The following CCN6 variants were observed in gnomAD, a reference collection of about 807,000 sequenced individuals.
CCN6 encodes the protein CCN family member 6.
Under a neutral mutation model 37.4 loss-of-function variants are expected in CCN6, and 31 were observed. The ratio of observed to expected loss-of-function variants is 0.83; its 90% CI spans 0.62 to 1.12. CCN6 has a LOEUF of 1.12. Among genes scored for constraint, CCN6 ranks in the 50% most tolerant of loss-of-function variants. The pLI, the probability that CCN6 is intolerant of heterozygous loss-of-function variation, is 0.00. For synonymous variants in CCN6, 137 were observed against 142.1 expected (o/e 0.96, Z 0.26); for missense variants, 369 against 413.8 (o/e 0.89, Z 0.94).
At chr6:112,066,944 T>C (rs782700867) in intron 3 of CCN6, 2 of 1,364,226 alleles carry the variant, frequency 1.5e-6, no homozygotes, top group Admixed American at 1.9e-5. Context: ...AACACGGTAA[T>C]CTAACCTGCC....
intron 1 of CCN6, among the ~76,000 whole-genome samples, chr6:112,056,461 T>G (rs1230247324): frequency 8.5e-5 from 13 of 152,202 alleles, no homozygotes; most frequent in African/African-American, 3.1e-4. Context: ...AGAAGTCAGA[T>G]CTCAGTTTTA....
At chr6:112,060,235 T>C (rs1776473231) in intron 1 of CCN6, among the ~76,000 whole-genome samples, 1 of 152,126 alleles carries the variant, frequency 6.6e-6, no homozygotes, top group Non-Finnish European at 1.5e-5. Context: ...CTGGCTTATT[T>C]TTAAAGAATC....
At chr6:112,068,013 T>C (rs1197339847) in intron 3 of CCN6, among the ~76,000 whole-genome samples, 192 bp from the exon 4 acceptor site, 1 of 152,104 alleles carries the variant, frequency 6.6e-6, no homozygotes, top group African/African-American at 2.4e-5. Flanking sequence ...ACTGTAATAC[T>C]TGATTGAAAG....
chr6:112,057,470 A>G (rs587771820), intron 1 of CCN6, among the ~76,000 whole-genome samples: 1 of 152,346 alleles, frequency 6.6e-6, no homozygotes, highest in South Asian at 2.1e-4. Flanking sequence ...AGTTCTGGGA[A>G]GACGAGGACA....
chr6:112,053,661 AC>A (rs1776264461), upstream of CCN6, among the ~76,000 whole-genome samples: 1 of 152,074 alleles, frequency 6.6e-6, no homozygotes, highest in Non-Finnish European at 1.5e-5. Flanking sequence ...CAGGCCAGGT[AC>A]TGTAGGAGTC....
At chr6:112,065,552 ATC>A (rs1776653407) in intron 3 of CCN6, among the ~76,000 whole-genome samples, 2 of 151,774 alleles carry the variant, frequency 1.3e-5, no homozygotes, top group Admixed American at 6.6e-5. Context: ...TCAATTGTTA[ATC>A]TCTCTGTAAA....
rs782046482 is a variant in CCN6, at chr6:112,059,581, G to A, written c.49-1410G>A. Among the ~76,000 whole-genome samples, 6 of 152,228 alleles carry A rather than the reference G, an allele frequency of 3.9e-5. No homozygotes were observed. The South Asian group carries it at 1.2e-3, about 32-fold the overall frequency. Reference sequence around the variant, plus strand: ...TTACCTTGGGCCCACCTGGATAATCGAGAGTGATAACCTCAAGATTCTTAA... The same window carrying A: ...TTACCTTGGGCCCACCTGGATAATCAAGAGTGATAACCTCAAGATTCTTAA... On this transcript the variant is annotated intron_variant, in intron 1 of 4. Transcript: ENST00000368666.
intron 4 of CCN6, 116 bp from the exon 5 acceptor site, chr6:112,069,223 A>G: frequency 3.3e-6 from 4 of 1,212,180 alleles, no homozygotes; most frequent in Middle Eastern, 2.6e-4. Flanking sequence ...ATCACTACAT[A>G]GCAACTTTTA....
chr6:112,065,983 T>G (rs1277004470), intron 3 of CCN6, among the ~76,000 whole-genome samples: 1 of 152,182 alleles, frequency 6.6e-6, no homozygotes, highest in East Asian at 1.9e-4. Context: ...TAGAGCTTAG[T>G]GAGAGGTGCC....
At chr6:112,058,704 G>A (rs1554312236) in intron 1 of CCN6, among the ~76,000 whole-genome samples, 1 of 152,208 alleles carries the variant, frequency 6.6e-6, no homozygotes, top group African/African-American at 2.4e-5. Context: ...TATATGCAGG[G>A]AACTACAGGC....
chr6:112,066,861 T>G (rs1776710903), intron 3 of CCN6: 2 of 849,112 alleles, frequency 2.4e-6, no homozygotes, highest in African/African-American at 3.6e-5. Flanking sequence ...AAATCTCTTC[T>G]AGTTTTCTTG....
chr6:112,066,483 T>A (rs1432272163), intron 3 of CCN6, among the ~76,000 whole-genome samples: 1 of 152,158 alleles, frequency 6.6e-6, no homozygotes, highest in Non-Finnish European at 1.5e-5. Flanking sequence ...GGGAGAGGCA[T>A]CAGATAGTCA....
intron 2 of CCN6, among the ~76,000 whole-genome samples, chr6:112,062,613 C>T (rs1224019606): frequency 6.6e-6 from 1 of 152,210 alleles, no homozygotes; most frequent in African/African-American, 2.4e-5. Context: ...ACTGGAGCCC[C>T]AAACTATGAC....
chr6:112,059,981 G>T (rs782558885), intron 1 of CCN6: 2 of 1,358,816 alleles, frequency 1.5e-6, no homozygotes, highest in Admixed American at 3.9e-5. Context: ...AGAAATTTGA[G>T]CACAGACCTA....
At chr6:112,054,004 G>A, upstream of CCN6, 1 of 454,262 alleles carries the variant, frequency 2.2e-6, no homozygotes, top group South Asian at 2.1e-5. Context: ...ACCCGTTGTC[G>A]GGGGCAGGCT....
At chr6:112,067,972 T>TA (rs1298654535) in intron 3 of CCN6, among the ~76,000 whole-genome samples, 1 of 152,080 alleles carries the variant, frequency 6.6e-6, no homozygotes, top group African/African-American at 2.4e-5. Flanking sequence ...TTTTCAAAGA[T>TA]AAAGTATTTT....
chr6:112,069,547 G>A lies in CCN6; in HGVS notation c.992G>A (p.Trp331Ter). The stretch of plus-strand genomic sequence containing the variant: ...GGGTCATTTAAATGGAAGATGCTGT[G>A]GATTACATCTTGTGTGTGTCAGAGA... ...NEGSFKWKML[W>*]ITSCVCQRNC... Residue 331 changes from tryptophan to a stop codon, truncating the protein, a stop_gained, in exon 5 of 5, where the codon TGG becomes TAG. Transcript: ENST00000368666. LOFTEE classifies it high-confidence loss of function. 6.2e-7 allele frequency: 1 copy of A among 1,613,634 alleles called. No homozygotes were observed. The highest frequency in any genetic ancestry group is 2.2e-5 in the East Asian group (1 of 44,796).
chr6:112,065,645 A>C (rs201327368), intron 3 of CCN6, among the ~76,000 whole-genome samples: 99 of 103,236 alleles, frequency 9.6e-4, no homozygotes, highest in African/African-American at 2.5e-3. Context: ...CACACACACA[A>C]ACACACACAT....
chr6:112,062,893 A>C (rs1776568229), intron 2 of CCN6, among the ~76,000 whole-genome samples: 1 of 152,190 alleles, frequency 6.6e-6, no homozygotes, highest in Admixed American at 6.5e-5. Context: ...CTTAGAAATT[A>C]ATGAGGACCT....
Sources: gnomAD v4.1 joint callset for allele counts (sites outside exome capture counted in the v4.1 genomes callset) on GRCh38, gnomAD v4.1.1 for gene constraint, MANE v1.5 for transcripts, NCBI Gene and HGNC (gene_info 2026-07-23, HGNC 2026-07-21) for gene names.